Variants in PCDHA10 observed in about 807,000 individuals in gnomAD.
PCDHA10 encodes the protein protocadherin alpha 10.
PCDHA10 carries 45 observed loss-of-function variants against 61.2 expected under a neutral mutation model. That is an observed-to-expected ratio of 0.74 (90% CI 0.58 to 0.94). The LOEUF (loss-of-function observed/expected upper bound fraction) is 0.94, where lower values mean the gene tolerates loss of function less well. PCDHA10 is among the 40% of genes least tolerant of loss of function. The probability of loss-of-function intolerance (pLI) is 0.00; values close to 1 mark genes in which losing one functional copy is unlikely to be tolerated. For synonymous variants in PCDHA10, 602 were observed against 548.8 expected (o/e 1.10, Z -1.35); for missense variants, 1,278 against 1,236.2 (o/e 1.03, Z -0.51).
At chr5:140,968,852 A>G (rs1554231175) in intron 1 of PCDHA10, 1 of 1,614,196 alleles carries the variant, frequency 6.2e-7, no homozygotes, top group Non-Finnish European at 8.5e-7. Flanking sequence ...GAGGCATGTT[A>G]AGAGCCCTCG....
chr5:140,881,127 A>G (rs1274793505), intron 1 of PCDHA10, among the ~76,000 whole-genome samples: 1 of 152,234 alleles, frequency 6.6e-6, no homozygotes, highest in Non-Finnish European at 1.5e-5. Context: ...GTGGCTTGGT[A>G]GAGATAGTTA....
intron 1 of PCDHA10, among the ~76,000 whole-genome samples, chr5:140,902,516 G>C (rs1410717975): frequency 6.6e-6 from 1 of 151,990 alleles, no homozygotes; most frequent in Non-Finnish European, 1.5e-5. Context: ...GTCATATATG[G>C]TTTTTATTAT....
intron 1 of PCDHA10, chr5:140,884,170 G>A (rs1333457358): frequency 1.4e-5 from 23 of 1,613,294 alleles, no homozygotes; most frequent in Non-Finnish European, 1.9e-5. Flanking sequence ...TCAGCACGAC[G>A]CGCCCTCTGG....
At chr5:140,919,653 C>T (rs917457975) in intron 1 of PCDHA10, among the ~76,000 whole-genome samples, 1 of 152,158 alleles carries the variant, frequency 6.6e-6, no homozygotes, top group South Asian at 2.1e-4. Context: ...CTAGAGTTTA[C>T]CATATATATT....
intron 1 of PCDHA10, chr5:140,929,493 A>G: frequency 9.4e-7 from 1 of 1,059,368 alleles, no homozygotes; most frequent in Non-Finnish European, 1.3e-6. Flanking sequence ...GTATTAGAAG[A>G]TTGCCCTAGG....
chr5:140,980,856 G>GT (rs2096908809), intron 2 of PCDHA10, among the ~76,000 whole-genome samples: 1 of 151,886 alleles, frequency 6.6e-6, no homozygotes, highest in Admixed American at 6.6e-5. Context: ...AATCTTTTTC[G>GT]TATGTGTGCT....
intron 3 of PCDHA10, among the ~76,000 whole-genome samples, chr5:141,006,287 C>A (rs1407881243): frequency 6.6e-6 from 1 of 152,060 alleles, no homozygotes; most frequent in African/African-American, 2.4e-5. Flanking sequence ...TCTCAGCTCA[C>A]TGCAAGCTCC....
intron 3 of PCDHA10, among the ~76,000 whole-genome samples, chr5:140,985,216 C>G (rs1009954667): frequency 1.3e-5 from 2 of 152,186 alleles, no homozygotes; most frequent in Non-Finnish European, 2.9e-5. Flanking sequence ...GGATTACAGG[C>G]GTGAGCCACC....
At chr5:140,865,190 C>T (rs976709711) in intron 1 of PCDHA10, 3 of 152,106 alleles carry the variant, frequency 2.0e-5, no homozygotes, top group Admixed American at 1.3e-4. Flanking sequence ...TGCCTTCACA[C>T]CATATTAATG....
At chr5:140,968,508 A>T in intron 1 of PCDHA10, 1 of 1,614,068 alleles carries the variant, frequency 6.2e-7, no homozygotes. Flanking sequence ...CACATTCTGT[A>T]CCCTACCTCA....
chr5:140,967,282 G>T, intron 1 of PCDHA10: 1 of 1,613,078 alleles, frequency 6.2e-7, no homozygotes. Flanking sequence ...TAGAGAGTGC[G>T]CAGGACCCCG....
intron 1 of PCDHA10, chr5:140,863,175 C>T (rs1562576204): frequency 1.4e-6 from 1 of 718,568 alleles, no homozygotes; most frequent in South Asian, 1.3e-5. Context: ...CGCTGACTGC[C>T]ACCGTCACCG....
chr5:140,862,466 CA>C, intron 1 of PCDHA10: 1 of 371,398 alleles, frequency 2.7e-6, no homozygotes. Context: ...ACCAAGAGAG[CA>C]AATCTATCCA....
At chr5:140,868,949 G>A (rs2050751465) in intron 1 of PCDHA10, 1 of 1,302,330 alleles carries the variant, frequency 7.7e-7, no homozygotes, top group Non-Finnish European at 1.0e-6. Context: ...GAACAGTGAG[G>A]CACTCCCATA....
chr5:140,875,731 A>C, intron 1 of PCDHA10: 14 of 1,614,150 alleles, frequency 8.7e-6, no homozygotes, highest in Non-Finnish European at 1.0e-5. Context: ...TTTGTTTGTG[A>C]ATTCTCGGAT....
intron 1 of PCDHA10, among the ~76,000 whole-genome samples, chr5:140,872,173 T>C (rs2053523271): frequency 6.6e-6 from 1 of 152,224 alleles, no homozygotes; most frequent in Non-Finnish European, 1.5e-5. Flanking sequence ...TTCTTTTTTT[T>C]TTTTACAGTG....
In PCDHA10 at chr5:140,870,897, G is replaced by A. The variant is rs372076650; in HGVS notation, c.2388+12461G>A. 4 of 1,613,942 alleles carry A rather than the reference G, an allele frequency of 2.5e-6. No individual in the cohort carries two copies. In the African/African-American group the frequency reaches 4.0e-5, roughly 16 times the overall value. Reference sequence around the variant, plus strand: ...TGGCGAAGGTGCGCGCAGTGGATGCGGACTCAGGCTACAACGCGTGGCTTT... The same window carrying A: ...TGGCGAAGGTGCGCGCAGTGGATGCAGACTCAGGCTACAACGCGTGGCTTT... On this transcript the variant is annotated intron_variant, in intron 1 of 3. Coordinates refer to ENST00000307360, the MANE Select transcript of PCDHA10 (RefSeq NM_018901.4).
At chr5:140,867,661 C>A (rs940517637) in intron 1 of PCDHA10, 30 of 152,196 alleles carry the variant, frequency 2.0e-4, no homozygotes, top group African/African-American at 6.7e-4. Flanking sequence ...AAATCACTTT[C>A]TACTCTAAAA....
At chr5:140,998,645 A>T (rs1020510258) in intron 3 of PCDHA10, among the ~76,000 whole-genome samples, 12 of 151,600 alleles carry the variant, frequency 7.9e-5, no homozygotes, top group Non-Finnish European at 1.6e-4. Context: ...GCTCACTGCA[A>T]CCTCTGCCTC....
Sources: gnomAD v4.1 joint callset for allele counts (sites outside exome capture counted in the v4.1 genomes callset) on GRCh38, gnomAD v4.1.1 for gene constraint, MANE v1.5 for transcripts, NCBI Gene and HGNC (gene_info 2026-07-23, HGNC 2026-07-21) for gene names.